Variants in PSMD2 observed in about 807,000 individuals in gnomAD.
PSMD2 encodes 26S proteasome non-ATPase regulatory subunit 2.
Under a neutral mutation model 101.5 loss-of-function variants are expected in PSMD2, and 8 were observed. The ratio of observed to expected loss-of-function variants is 0.08; its 90% CI spans 0.05 to 0.14. The LOEUF (loss-of-function observed/expected upper bound fraction) is 0.14. Among genes scored for constraint, PSMD2 ranks in the 10% least tolerant of loss-of-function variants. The probability of loss-of-function intolerance (pLI) is 1.00; values close to 1 mark genes in which losing one functional copy is unlikely to be tolerated. For synonymous variants in PSMD2, 418 were observed against 433.8 expected, an observed-to-expected ratio of 0.96 and a Z score of 0.45; for missense variants, 784 against 1,147.4, an observed-to-expected ratio of 0.68 and a Z score of 4.58.
At position 184,300,169 on chromosome 3, in the gene PSMD2, A is replaced by G. The variant is rs1425448766; in HGVS notation, c.193-111A>G. ...CAGGGAGTTGAGGAATCACAGATGA[A>G]TGAATAAGACACAGCATTTCCTTGG... On this transcript the variant is annotated intron_variant, in intron 2 of 20. Transcript: ENST00000310118. 20 of 1,179,004 alleles carry G rather than the reference A, an allele frequency of 1.7e-5. 1 individual carries two copies. In the Admixed American group the frequency reaches 4.4e-4, roughly 26 times the overall value. 73.0% of individuals were successfully genotyped at this position (1,179,004 alleles called of 1,614,324 possible).
intron 7 of PSMD2, 88 bp downstream of exon 7, chr3:184,302,911 C>A: frequency 6.2e-7 from 1 of 1,610,468 alleles, no homozygotes. Context: ...ACTAGACTCT[C>A]CTTGATTAGA....
intron 15 of PSMD2, 81 bp from the exon 16 acceptor site, chr3:184,306,670 A>T: frequency 6.5e-7 from 1 of 1,540,296 alleles, no homozygotes; most frequent in South Asian, 1.2e-5. Context: ...ATGGCTTTTT[A>T]TTTTCAGATG....
At chr3:184,299,819 C>G in intron 1 of PSMD2, 32 bp from the exon 2 acceptor site, 1 of 1,588,384 alleles carries the variant, frequency 6.3e-7, no homozygotes, top group Non-Finnish European at 8.6e-7. Context: ...GGGATTCCTT[C>G]TCTTCATGAG....
rs373640943 is a variant in PSMD2, at chr3:184,306,164, C to T, written c.1804+9C>T. 3 of 1,613,904 alleles carry T rather than the reference C, an allele frequency of 1.9e-6. No homozygotes were observed. Among genetic ancestry groups the T allele is most frequent in the Non-Finnish European group, 2.5e-6 (3 of 1,179,782 alleles). ...TGTGTGTGCATATGCAGGTCTGTGT[C>T]TTTATGAGTCTGTCTTGTGCTTCCC... On this transcript the variant is annotated intron_variant, in intron 14 of 20. Transcript: ENST00000310118.
chr3:184,303,252 A>G lies in PSMD2; in HGVS notation c.1070-68A>G, dbSNP rs1721710102. ...AGCTCAGAACCAGAGACCAGTTGCC[A>G]TGCTGTGTTTCTTTCCTGTCCTACC... On this transcript the variant is annotated intron_variant, in intron 8 of 20. Coordinates refer to ENST00000310118, the MANE Select transcript of PSMD2 (RefSeq NM_002808.5). 1.3e-5 allele frequency: 20 copies of G among 1,570,168 alleles called. 2 individuals are homozygous for G. The South Asian group carries it at 2.2e-4, about 17-fold the overall frequency.
chr3:184,299,663 C>G, intron 1 of PSMD2, 188 bp from the exon 2 acceptor site: 1 of 629,892 alleles, frequency 1.6e-6, no homozygotes, highest in East Asian at 2.9e-5. Context: ...CCTAGAGTGG[C>G]ATTCAAGTAG....
At position 184,305,937 on chromosome 3, in the gene PSMD2, G is replaced by A. The variant is rs753220440; in HGVS notation, c.1702+7G>A. The stretch of plus-strand genomic sequence containing the variant: ...CTGGGTCTCAACCACCTGGGTGAGG[G>A]GATGTTTCTATTTGGGCAAAGAGCT... On this transcript the variant is annotated splice_region_variant and intron_variant, in intron 13 of 20. Transcript: ENST00000310118. The A allele has an allele frequency of 2.5e-6, 4 of 1,614,030 alleles. No individual in the cohort carries two copies. The South Asian group carries it at 4.4e-5, about 18-fold the overall frequency.
intron 1 of PSMD2, 43 bp from the exon 2 acceptor site, chr3:184,299,808 T>C (rs1163287980): frequency 6.5e-7 from 1 of 1,541,766 alleles, no homozygotes; most frequent in Non-Finnish European, 9.0e-7. Context: ...AGGACGTCTT[T>C]GGGATTCCTT....
intron 3 of PSMD2, chr3:184,300,674 T>G: frequency 3.9e-6 from 5 of 1,297,246 alleles, no homozygotes; most frequent in Non-Finnish European, 4.9e-6. Flanking sequence ...ATTAGCATGG[T>G]CTACTTTTAA....
chr3:184,305,359 C>T (rs1721794263), intron 12 of PSMD2, among the ~76,000 whole-genome samples: 1 of 151,906 alleles, frequency 6.6e-6, no homozygotes, highest in Non-Finnish European at 1.5e-5. Flanking sequence ...CGTGGTGGCG[C>T]GCACCTATAG....
intron 8 of PSMD2, 45 bp downstream of exon 8, chr3:184,303,107 T>C: frequency 3.8e-6 from 6 of 1,592,110 alleles, no homozygotes; most frequent in African/African-American, 2.7e-5. Flanking sequence ...ATTGTAGGTA[T>C]GCCCCTTGTA....
At position 184,308,858 on chromosome 3, in the gene PSMD2, A is replaced by G. The variant is rs533226155; in HGVS notation, c.2695A>G (p.Ile899Val). 3 of 1,612,404 alleles carry G rather than the reference A, an allele frequency of 1.9e-6. No individual in the cohort carries two copies. Among genetic ancestry groups the G allele is most frequent in the East Asian group, 4.5e-5 (2 of 44,860 alleles). ...TACCCCCATTCTGGAAGGTTTTGTT[A>G]TCCTTCGGAAGAACCCCAATTATGA... The part of the protein sequence containing the change: ...PVTPILEGFV[I>V]LRKNPNYDL Residue 899 changes from isoleucine to valine, a missense_variant, in exon 21 of 21, where the codon ATC (isoleucine) becomes GTC (valine). This residue lies in a region of PSMD2 where 33 missense variants were observed against 38.2 expected (regional missense o/e 0.86). Coordinates refer to ENST00000310118, the MANE Select transcript of PSMD2 (RefSeq NM_002808.5). The surrounding 1 kb of genome is among the most constrained non-coding windows in gnomAD (Gnocchi z 6.0).
Position 184,306,988 on chromosome 3 carries a change from G to T in PSMD2, c.2034+154G>T, listed in dbSNP as rs147317587. ...CTTTTCTTTTTTGAAGCGGAGTTTT[G>T]CTCTAGAGTGCAATGGCACGGTCTT... On this transcript the variant is annotated intron_variant, in intron 16 of 20. Coordinates refer to ENST00000310118, the MANE Select transcript of PSMD2 (RefSeq NM_002808.5). Among the ~76,000 whole-genome samples the T allele has an allele frequency of 1.8e-4, 28 of 151,954 alleles. No individual in the cohort carries two copies. In the East Asian group the frequency reaches 5.2e-3, roughly 28 times the overall value.
chr3:184,305,286 C>G (rs996032198), intron 12 of PSMD2, among the ~76,000 whole-genome samples: 2 of 152,122 alleles, frequency 1.3e-5, no homozygotes, highest in African/African-American at 4.8e-5. Context: ...GTCAAGAGAT[C>G]AAGACCATCC....
chr3:184,307,236 C>T (rs1721863046), intron 16 of PSMD2, 121 bp from the exon 17 acceptor site: 2 of 1,133,802 alleles, frequency 1.8e-6, no homozygotes, highest in Admixed American at 2.3e-5. Flanking sequence ...AGCCACCATG[C>T]CCAGCCTGCT....
At position 184,305,872 on chromosome 3, in the gene PSMD2, T is replaced by C. The variant is rs1721815093; in HGVS notation, c.1644T>C (p.Thr548=). 1 of 1,614,140 alleles carries C rather than the reference T, an allele frequency of 6.2e-7. No homozygotes were observed. Among genetic ancestry groups the C allele is most frequent in the African/African-American group, 1.3e-5 (1 of 74,946 alleles). Residue 548 remains threonine, a synonymous_variant, in exon 13 of 21, where the codon ACT becomes ACC. Coordinates refer to ENST00000310118, the MANE Select transcript of PSMD2 (RefSeq NM_002808.5). ...ILQTIMEKSE[T]ELKDTYARWL... ...AGACCATCATGGAGAAGTCAGAGAC[T>C]GAGCTCAAGGATACTTATGCTCGTT... is the stretch of plus-strand genomic sequence containing the variant.
chr3:184,299,848 C>T lies in PSMD2; in HGVS notation c.136-3C>T. ...TCATGAGCTGCTTCTCCCAACCCTC[C>T]AGTCTGAAGAGGATAAACAGCTTCA... On this transcript the variant is annotated splice_polypyrimidine_tract_variant and splice_region_variant and intron_variant, in intron 1 of 20. Transcript: ENST00000310118. 6.2e-7 allele frequency: 1 copy of T among 1,612,516 alleles called. No individual in the cohort carries two copies.
rs1177867718 is a variant in PSMD2 at position 184,308,832 on chromosome 3, T to A, written c.2669T>A (p.Val890Asp). The change falls in exon 21 of 21, where the codon GTT (valine) becomes GAT (aspartate). Residue 890 changes from valine to aspartate, a missense_variant. Coordinates refer to ENST00000310118, the MANE Select transcript of PSMD2 (RefSeq NM_002808.5). This position sits in a 1 kb window ranked among gnomAD's most constrained non-coding sequence, Gnocchi z 6.0. Reference protein sequence around the residue: ...AELATEEFLPVTPILEGFVIL... With the variant: ...AELATEEFLPDTPILEGFVIL... ...TTGGCCACTGAGGAGTTTCTTCCTG[T>A]TACCCCCATTCTGGAAGGTTTTGTT... The A allele has an allele frequency of 6.2e-7, 1 of 1,613,182 alleles. No individual in the cohort carries two copies. Among genetic ancestry groups the A allele is most frequent in the Non-Finnish European group, 8.5e-7 (1 of 1,180,030 alleles).
At chr3:184,306,520 C>G (rs756077965) in intron 15 of PSMD2, 25 bp downstream of exon 15, 2 of 1,606,036 alleles carry the variant, frequency 1.2e-6, no homozygotes, top group African/African-American at 1.3e-5. Context: ...TGGGCACTTG[C>G]AGAGAGGCTG....
Sources: allele counts gnomAD v4.1 joint callset (sites outside exome capture counted in the v4.1 genomes callset), GRCh38; gene constraint gnomAD v4.1.1; regional missense constraint gnomAD v4.1.1; non-coding constraint Gnocchi (gnomAD v3.1); transcripts MANE v1.5; gene names NCBI Gene and HGNC (gene_info 2026-07-23, HGNC 2026-07-21).